USP32: variants seen among roughly 807,000 people sequenced by gnomAD.
The protein encoded by USP32 is ubiquitin carboxyl-terminal hydrolase 32.
USP32 carries 59 observed loss-of-function variants against 204.8 expected under a neutral mutation model. The ratio of observed to expected loss-of-function variants is 0.29; its 90% CI spans 0.23 to 0.36. The LOEUF (loss-of-function observed/expected upper bound fraction) is 0.36, where lower values mean the gene tolerates loss of function less well. USP32 is among the 10% of genes least tolerant of loss of function. The pLI is 1.00. For missense variants in USP32, 1,160 were observed against 1,946.4 expected (o/e 0.60, Z 7.60); for synonymous variants, 517 against 678.4 (o/e 0.76, Z 3.70).
intron 1 of USP32, among the ~76,000 whole-genome samples, chr17:60,405,694 T>C (rs1041283770): frequency 1.3e-5 from 2 of 151,888 alleles, no homozygotes; most frequent in Non-Finnish European, 2.9e-5. Context: ...CCTGGGGAGG[T>C]GGAGGCTGCA....
intron 1 of USP32, among the ~76,000 whole-genome samples, chr17:60,416,366 C>A (rs889073985): frequency 1.3e-5 from 2 of 152,064 alleles, no homozygotes; most frequent in Non-Finnish European, 2.9e-5. Flanking sequence ...GGAGGTAAAG[C>A]ATGATGATTA....
chr17:60,319,738 C>T (rs1203030781), intron 2 of USP32, among the ~76,000 whole-genome samples: 1 of 152,002 alleles, frequency 6.6e-6, no homozygotes, highest in Non-Finnish European at 1.5e-5. Flanking sequence ...CAAGATAGCG[C>T]CACTGCACTC....
intron 5 of USP32, among the ~76,000 whole-genome samples, chr17:60,276,506 A>T (rs2086843166): frequency 6.6e-6 from 1 of 152,194 alleles, no homozygotes; most frequent in South Asian, 2.1e-4. Context: ...TCCAAGTAGT[A>T]GATCAGCATA....
chr17:60,314,744 A>C (rs1017493767), intron 2 of USP32, among the ~76,000 whole-genome samples: 2 of 152,194 alleles, frequency 1.3e-5, no homozygotes, highest in African/African-American at 4.8e-5. Flanking sequence ...TGCTCAAAGA[A>C]ACTCATATGT....
intron 5 of USP32, among the ~76,000 whole-genome samples, chr17:60,279,449 C>T (rs1201497920): frequency 6.6e-6 from 1 of 150,886 alleles, no homozygotes; most frequent in Non-Finnish European, 1.5e-5. Context: ...TGTACCACTG[C>T]ACTCCTGCCT....
chr17:60,205,523 C>A lies in USP32; in HGVS notation c.3173G>T (p.Gly1058Val). The A allele has an allele frequency of 6.2e-7, 1 of 1,613,862 alleles. No individual in the cohort carries two copies. Among genetic ancestry groups the A allele is most frequent in the African/African-American group, 1.3e-5 (1 of 74,968 alleles). Residue 1058 changes from glycine (G) to valine (V), a missense_variant, in exon 26 of 34, where the codon GGA becomes GTA. Around this residue, in one of 8 missense-constraint regions of USP32, gnomAD observed 160 missense variants for 322.5 expected, o/e 0.50. Coordinates refer to ENST00000300896, the MANE Select transcript of USP32 (RefSeq NM_032582.4). Reference sequence around the variant, plus strand: ...AGATGGCATGTGACCATTAACCATTCCATTTGTGAAGTTCTTCTCAGTTCC... The same window carrying A: ...AGATGGCATGTGACCATTAACCATTACATTTGTGAAGTTCTTCTCAGTTCC... ...PCGTEKNFTN[G>V]MVNGHMPSLP...
intron 1 of USP32, among the ~76,000 whole-genome samples, chr17:60,379,876 C>T (rs1157367538): frequency 6.6e-6 from 1 of 152,192 alleles, no homozygotes; most frequent in Non-Finnish European, 1.5e-5. Context: ...TTCTCTCAAT[C>T]ATCAAGCATA....
intron 4 of USP32, among the ~76,000 whole-genome samples, chr17:60,291,518 C>T (rs1355984833): frequency 6.8e-6 from 1 of 147,632 alleles, no homozygotes; most frequent in Admixed American, 6.7e-5. Context: ...AGCTAAAGTG[C>T]TTCTCTCTCT....
intron 11 of USP32, among the ~76,000 whole-genome samples, chr17:60,238,659 G>T (rs2085798158): frequency 6.6e-6 from 1 of 151,944 alleles, no homozygotes; most frequent in African/African-American, 2.4e-5. Context: ...AAAAAAATTA[G>T]CTGGTGTAGT....
chr17:60,377,125 G>A (rs2146103760), intron 1 of USP32, among the ~76,000 whole-genome samples: 1 of 152,074 alleles, frequency 6.6e-6, no homozygotes, highest in East Asian at 1.9e-4. Flanking sequence ...TGCCCATTAA[G>A]ATAGGATATC....
At chr17:60,318,885 C>T (rs1000644956) in intron 2 of USP32, among the ~76,000 whole-genome samples, 3 of 152,094 alleles carry the variant, frequency 2.0e-5, no homozygotes, top group African/African-American at 4.8e-5. Context: ...ATAAGTTATT[C>T]GTTACAATGG....
chr17:60,343,051 T>C (rs1357110291), intron 2 of USP32, among the ~76,000 whole-genome samples: 1 of 152,124 alleles, frequency 6.6e-6, no homozygotes, highest in Non-Finnish European at 1.5e-5. Flanking sequence ...TATTCGGCCA[T>C]CTTGGGCCAT....
chr17:60,299,126 G>C (rs1219807499), intron 3 of USP32, among the ~76,000 whole-genome samples: 3 of 152,062 alleles, frequency 2.0e-5, no homozygotes, highest in Non-Finnish European at 1.5e-5. Context: ...ACAGAGTAAG[G>C]CTCTCTCCTC....
intron 5 of USP32, among the ~76,000 whole-genome samples, chr17:60,277,053 T>C (rs1311947884): frequency 6.6e-6 from 1 of 152,052 alleles, no homozygotes; most frequent in Non-Finnish European, 1.5e-5. Context: ...TACAGAAGTT[T>C]GAAGCAGTAA....
chr17:60,196,270 C>CAAAAAAAAAAAAAAAAAAAAAAA (rs749074954), intron 27 of USP32, among the ~76,000 whole-genome samples: 4 of 129,222 alleles, frequency 3.1e-5, no homozygotes, highest in African/African-American at 1.4e-4. Flanking sequence ...ATCCCCACGC[C>CAAAAAAAAAAAAAAAAAAAAAAA]AAAAAAAGAA....
At chr17:60,309,663 A>T (rs1217230401) in intron 2 of USP32, among the ~76,000 whole-genome samples, 1 of 152,218 alleles carries the variant, frequency 6.6e-6, no homozygotes, top group Non-Finnish European at 1.5e-5. Context: ...TAAATGACCA[A>T]CAGGTACATG....
chr17:60,198,119 T>C (rs1229302065), intron 27 of USP32, 141 bp downstream of exon 27: 2 of 1,135,444 alleles, frequency 1.8e-6, no homozygotes, highest in African/African-American at 1.6e-5. Flanking sequence ...AACCAAATGG[T>C]TGAATTGTAT....
chr17:60,204,078 CAA>C (rs765595386), intron 26 of USP32, among the ~76,000 whole-genome samples: 7 of 151,842 alleles, frequency 4.6e-5, no homozygotes, highest in Non-Finnish European at 1.0e-4. Context: ...TCTTTTTTAC[CAA>C]AGAGTCAACC....
At chr17:60,250,641 G>A (rs1378819549) in intron 11 of USP32, among the ~76,000 whole-genome samples, 1 of 152,038 alleles carries the variant, frequency 6.6e-6, no homozygotes, top group Non-Finnish European at 1.5e-5. Context: ...AGTCTTCTGA[G>A]TATGAATATT....
Sources: allele counts gnomAD v4.1 joint callset (sites outside exome capture counted in the v4.1 genomes callset), GRCh38; gene constraint gnomAD v4.1.1; regional missense constraint gnomAD v4.1.1; transcripts MANE v1.5; gene names NCBI Gene and HGNC (gene_info 2026-07-23, HGNC 2026-07-21).